Variants in LARP6 observed in about 807,000 individuals in gnomAD.
The protein encoded by LARP6 is la-related protein 6.
A neutral mutation model predicts 32.8 loss-of-function variants in LARP6; 18 were observed. The ratio of observed to expected loss-of-function variants is 0.55; its 90% CI spans 0.38 to 0.81. The LOEUF is 0.81. Ranked by LOEUF, LARP6 falls within the 40% of genes least tolerant of loss-of-function variation. LARP6 has a pLI of 0.00. For synonymous variants in LARP6, 289 were observed against 267.2 expected, an observed-to-expected ratio of 1.08 and a Z score of -0.80; for missense variants, 598 against 663.1, an observed-to-expected ratio of 0.90 and a Z score of 1.08.
Position 70,832,094 on chromosome 15 carries a change from G to A in LARP6, c.1434C>T (p.Thr478=). Residue 478 remains threonine (T), a synonymous_variant, in exon 3 of 3, where the codon ACC becomes ACT. Transcript: ENST00000299213. ...VLRLPRGPDN[T]RGFHGHERSR... ...TCCTCTCATGGCCATGAAATCCTCT[G>A]GTGTTGTCAGGACCCCTGGGCAACC... 1 of 1,555,922 alleles carries A rather than the reference G, an allele frequency of 6.4e-7. No individual in the cohort carries two copies. Among genetic ancestry groups the A allele is most frequent in the Non-Finnish European group, 8.7e-7 (1 of 1,152,696 alleles).
intron 1 of LARP6, among the ~76,000 whole-genome samples, chr15:70,850,932 G>C (rs1250454453): frequency 6.6e-6 from 1 of 152,136 alleles, no homozygotes; most frequent in African/African-American, 2.4e-5. Flanking sequence ...AAAAAAAATG[G>C]TGGAAATTTC....
chr15:70,849,364 AAAACAAAC>A lies in LARP6; in HGVS notation c.200+4517_200+4524del, dbSNP rs142198654. 2.1e-3 allele frequency: 331 copies of A among 155,914 alleles called. 1 individual carries two copies. Among genetic ancestry groups the A allele is most frequent in the African/African-American group, 7.7e-3 (318 of 41,486 alleles). 9.7% of individuals were successfully genotyped at this position (155,914 alleles called of 1,614,324 possible). On this transcript the variant is annotated intron_variant, in intron 1 of 2. Coordinates refer to ENST00000299213, the MANE Select transcript of LARP6 (RefSeq NM_018357.4). ...AAGAGCAAGACCCTGTCTCAAAAAC[AAAACAAAC>A]AAACAAACAAACAAACAAAAAAATA...
intron 2 of LARP6, among the ~76,000 whole-genome samples, chr15:70,833,400 A>C (rs2032091460): frequency 6.6e-6 from 1 of 152,222 alleles, no homozygotes; most frequent in South Asian, 2.1e-4. Context: ...TTAGAGGTTA[A>C]ATTTGCAGGC....
chr15:70,854,142 C>G lies in LARP6; in HGVS notation c.-54G>C. 10 of 1,193,066 alleles carry G rather than the reference C, an allele frequency of 8.4e-6. No homozygotes were observed. Among genetic ancestry groups the G allele is most frequent in the Non-Finnish European group, 1.0e-5 (10 of 957,742 alleles). The allele number at this position is 1,193,066 out of a possible 1,614,324, so 73.9% of individuals were successfully genotyped here. On this transcript the variant is annotated 5_prime_UTR_variant, in exon 1 of 3. Transcript: ENST00000299213. ...TCCTCACGCCGCAAGGCCCAGCCAG[C>G]CGGTCGGCAGCGACTGCGACGAGGG... is the stretch of plus-strand genomic sequence containing the variant.
Position 70,836,295 on chromosome 15 carries a change from C to T in LARP6, c.411G>A (p.Lys137=). The stretch of plus-strand genomic sequence containing the variant: ...GCAGCTTCTGAGAACCAAGCCTCAC[C>T]TTTTTGAAGGATGTGAGTAGCTTAA... ...VSVKLLTSFK[K]VKHLTRDWRT... The change falls in exon 2 of 3, where the codon AAG becomes AAA. Residue 137 remains lysine, a splice_region_variant and synonymous_variant. Transcript: ENST00000299213. 1 of 1,613,822 alleles carries T rather than the reference C, an allele frequency of 6.2e-7. No homozygotes were observed. Among genetic ancestry groups the T allele is most frequent in the African/African-American group, 1.3e-5 (1 of 75,002 alleles).
chr15:70,832,597 T>C lies in LARP6; in HGVS notation c.931A>G (p.Thr311Ala), dbSNP rs1410381725. The stretch of plus-strand genomic sequence containing the variant: ...GACTTGTTCAGGTGGATGCTCGCAG[T>C]GGGCTCCTCGTCATGATTTTTGTCT... ...AKDKNHDEEPTASIHLNKSLN... is the reference protein window; with the variant it reads ...AKDKNHDEEPAASIHLNKSLN... The change falls in exon 3 of 3, where the codon ACT becomes GCT. Residue 311 changes from threonine (T) to alanine (A), a missense_variant. Physicochemically the swap from Thr to Ala is moderately conservative, Grantham distance 58. This residue lies in a region of LARP6 where 368 missense variants were observed against 397.9 expected (regional missense o/e 0.92). Coordinates refer to ENST00000299213, the MANE Select transcript of LARP6 (RefSeq NM_018357.4). 2 of 1,599,506 alleles carry C rather than the reference T, an allele frequency of 1.3e-6. No homozygotes were observed. Among genetic ancestry groups the C allele is most frequent in the South Asian group, 1.1e-5 (1 of 88,174 alleles).
Position 70,832,634 on chromosome 15 carries a change from C to T in LARP6, c.894G>A (p.Lys298=), listed in dbSNP as rs760043158. The stretch of plus-strand genomic sequence containing the variant: ...CATGATTTTTGTCTTTGGCAGGTTT[C>T]TTTTTGGGTGGCTTCATACCAATCA... ...AVLIGMKPPK[K]KPAKDKNHDE... The change falls in exon 3 of 3, where the codon AAG becomes AAA. Residue 298 remains lysine, a synonymous_variant. Coordinates refer to ENST00000299213, the MANE Select transcript of LARP6 (RefSeq NM_018357.4). 2 of 1,609,418 alleles carry T rather than the reference C, an allele frequency of 1.2e-6. No homozygotes were observed. Among genetic ancestry groups the T allele is most frequent in the African/African-American group, 2.7e-5 (2 of 74,570 alleles).
chr15:70,832,339 G>T lies in LARP6; in HGVS notation c.1189C>A (p.Pro397Thr), dbSNP rs1323559927. Residue 397 changes from proline to threonine, a missense_variant, in exon 3 of 3, where the codon CCA (proline) becomes ACA (threonine). Pro to Thr is a conservative substitution (Grantham distance 38). Coordinates refer to ENST00000299213, the MANE Select transcript of LARP6 (RefSeq NM_018357.4). ...AQRKGVSRKS[P>T]LAEEGRLNCS... ...TTCAGTCTACCTTCCTCCGCCAGTG[G>T]GGACTTTCTGGAAACGCCTTTGCGT... The T allele has an allele frequency of 1.2e-6, 2 of 1,614,100 alleles. No homozygotes were observed. The highest frequency in any genetic ancestry group is 1.7e-6 in the Non-Finnish European group (2 of 1,180,046).
At chr15:70,835,545 A>C (rs2698034) in intron 2 of LARP6, among the ~76,000 whole-genome samples, 3 of 152,246 alleles carry the variant, frequency 2.0e-5, no homozygotes, top group Non-Finnish European at 4.4e-5. Context: ...CCTCCAGTGC[A>C]CTCTGACAAA....
At chr15:70,853,723 C>A (rs915208903) in intron 1 of LARP6, among the ~76,000 whole-genome samples, 166 bp downstream of exon 1, 1 of 152,160 alleles carries the variant, frequency 6.6e-6, no homozygotes, top group African/African-American at 2.4e-5. Flanking sequence ...GCTGCCTCCA[C>A]GGGCCGGTTC....
intron 1 of LARP6, chr15:70,851,856 C>G (rs1469338171): frequency 7.0e-7 from 1 of 1,438,140 alleles, no homozygotes; most frequent in East Asian, 2.4e-5. Flanking sequence ...GGAGAAGAGG[C>G]AGCGAAGTTT....
At position 70,832,108 on chromosome 15, in the gene LARP6, C is replaced by T. The variant is rs773779047; in HGVS notation, c.1420G>A (p.Gly474Ser). Residue 474 changes from glycine (G) to serine (S), a missense_variant, in exon 3 of 3, where the codon GGT (glycine) becomes AGT (serine). Physicochemically the swap from Gly to Ser is moderately conservative, Grantham distance 56. Coordinates refer to ENST00000299213, the MANE Select transcript of LARP6 (RefSeq NM_018357.4). The stretch of plus-strand genomic sequence containing the variant: ...TGAAATCCTCTGGTGTTGTCAGGAC[C>T]CCTGGGCAACCTCAGCACCCCTACG... ...LPVGVLRLPR[G>S]PDNTRGFHGH... 5.1e-6 allele frequency: 8 copies of T among 1,580,912 alleles called. No homozygotes were observed. The highest frequency in any genetic ancestry group is 2.2e-5 in the East Asian group (1 of 44,640).
At chr15:70,849,407 T>A in intron 1 of LARP6, 1 of 153,838 alleles carries the variant, frequency 6.5e-6, no homozygotes, top group Non-Finnish European at 1.4e-5. Context: ...ATATATATAT[T>A]TCTTAGTTCT....
intron 1 of LARP6, among the ~76,000 whole-genome samples, chr15:70,845,083 C>T (rs771529031): frequency 2.0e-5 from 3 of 151,948 alleles, no homozygotes; most frequent in Admixed American, 2.0e-4. Flanking sequence ...ATATATACAC[C>T]CAGGCTTGCT....
Position 70,829,622 on chromosome 15 carries a change from ATCT to A in LARP6, c.*2427_*2429del, listed in dbSNP as rs1298471401. The A allele has an allele frequency of 2.6e-5, 4 of 152,222 alleles. No individual in the cohort carries two copies. Among genetic ancestry groups the A allele is most frequent in the African/African-American group, 4.8e-5 (2 of 41,452 alleles). The allele number at this position is 152,222 out of a possible 1,614,324, so 9.4% of individuals were successfully genotyped here. On this transcript the variant is annotated 3_prime_UTR_variant, in exon 3 of 3. Coordinates refer to ENST00000299213, the MANE Select transcript of LARP6 (RefSeq NM_018357.4). The stretch of plus-strand genomic sequence containing the variant: ...ACATATATGACCTTATTTAAGGAAC[ATCT>A]TCTTGTTATCCACTGGTTTGTGGGA...
chr15:70,853,214 A>ACCCCCCCCCCCCCCC (rs10709838), intron 1 of LARP6: 2 of 100,848 alleles, frequency 2.0e-5, no homozygotes, highest in Admixed American at 1.1e-4. Context: ...ACCCAGGAAC[A>ACCCCCCCCCCCCCCC]CCCCCCCCCC....
chr15:70,851,561 G>A, intron 1 of LARP6: 1 of 1,559,204 alleles, frequency 6.4e-7, no homozygotes, highest in Non-Finnish European at 8.7e-7. Context: ...CACTGTCTAG[G>A]GAAGGGGAAA....
chr15:70,839,740 G>A (rs1452938706), intron 1 of LARP6, among the ~76,000 whole-genome samples: 2 of 151,962 alleles, frequency 1.3e-5, no homozygotes, highest in Admixed American at 6.6e-5. Flanking sequence ...CCACCACCAC[G>A]CCCGGCTTTA....
chr15:70,832,952 G>A lies in LARP6; in HGVS notation c.576C>T (p.Tyr192=). 2 of 1,608,726 alleles carry A rather than the reference G, an allele frequency of 1.2e-6. No homozygotes were observed. The highest frequency in any genetic ancestry group is 1.7e-6 in the Non-Finnish European group (2 of 1,177,148). ...PSKMLLVYDL[Y]LSPKLWALAT... ...CCAGAGCCCACAGCTTAGGAGACAA[G>A]TAGAGATCATAGACCAGGAGCATCT... The change falls in exon 3 of 3, where the codon TAC becomes TAT. Residue 192 remains tyrosine, a synonymous_variant. Transcript: ENST00000299213.
Sources: allele counts gnomAD v4.1 joint callset (sites outside exome capture counted in the v4.1 genomes callset), GRCh38; gene constraint gnomAD v4.1.1; regional missense constraint gnomAD v4.1.1; transcripts MANE v1.5; gene names NCBI Gene and HGNC (gene_info 2026-07-23, HGNC 2026-07-21).